The following CDKAL1 variants were observed in gnomAD, a reference collection of about 807,000 sequenced individuals.
The protein encoded by CDKAL1 is CDKAL1 threonylcarbamoyladenosine tRNA methylthiotransferase.
CDKAL1 carries 32 observed loss-of-function variants against 68.2 expected under a neutral mutation model. That is an observed-to-expected ratio of 0.47 (90% confidence interval 0.35 to 0.63). The LOEUF is 0.63. Among genes scored for constraint, CDKAL1 ranks in the 30% least tolerant of loss-of-function variants. CDKAL1 has a pLI of 0.00. For missense variants in CDKAL1, 606 were observed against 696.7 expected (o/e 0.87, Z 1.47); for synonymous variants, 234 against 244.3 (o/e 0.96, Z 0.39).
intron 4 of CDKAL1, among the ~76,000 whole-genome samples, chr6:20,580,511 C>T (rs999913745): frequency 6.6e-6 from 1 of 152,092 alleles, no homozygotes; most frequent in East Asian, 1.9e-4. Context: ...CCTTGCTGGA[C>T]TGTGAGTCTT....
At chr6:20,670,208 T>C (rs1013786078) in intron 5 of CDKAL1, among the ~76,000 whole-genome samples, 4 of 152,214 alleles carry the variant, frequency 2.6e-5, no homozygotes, top group African/African-American at 9.6e-5. Context: ...ATATAATATT[T>C]ATGTTTAGTC....
At chr6:20,604,436 A>C (rs2127715732) in intron 4 of CDKAL1, among the ~76,000 whole-genome samples, 1 of 152,300 alleles carries the variant, frequency 6.6e-6, no homozygotes, top group Middle Eastern at 3.4e-3. Context: ...GAGGGGGCAA[A>C]GATATATTCT....
intron 4 of CDKAL1, among the ~76,000 whole-genome samples, chr6:20,566,982 TCTACAGAGAATATA>T: frequency 6.6e-6 from 1 of 152,250 alleles, no homozygotes; most frequent in South Asian, 2.1e-4. Context: ...TTGTGTTCTT[TCTACAGAGAATATA>T]CTAGGAGGGG....
At chr6:21,164,836 A>G (rs1777085066) in intron 13 of CDKAL1, among the ~76,000 whole-genome samples, 1 of 152,162 alleles carries the variant, frequency 6.6e-6, no homozygotes, top group South Asian at 2.1e-4. Context: ...CCTCTTCATC[A>G]ACAGCATGTA....
intron 8 of CDKAL1, among the ~76,000 whole-genome samples, chr6:20,788,271 A>G (rs539205596): frequency 2.8e-4 from 42 of 152,354 alleles, no homozygotes; most frequent in Admixed American, 1.6e-3. Flanking sequence ...CACACAATTT[A>G]TATGATGTTC....
At position 20,846,283 on chromosome 6, in the gene CDKAL1, G is replaced by A. The variant is rs1159370418; in HGVS notation, c.742+105G>A. The A allele has an allele frequency of 2.2e-5, 14 of 645,432 alleles. No homozygotes were observed. The African/African-American group carries it at 2.2e-4, about 10-fold the overall frequency. The allele number at this position is 645,432 out of a possible 1,614,324, so 40.0% of individuals were successfully genotyped here. A position where few individuals can be genotyped will look rare whatever the true frequency, so the allele number is the denominator to read the frequency against. On this transcript the variant is annotated intron_variant, in intron 9 of 15. Transcript: ENST00000274695. ...AGACCAACTTCTTTAGTTTTCTGAA[G>A]AGTTTTACAAATATACGAACTTAAT... is the stretch of plus-strand genomic sequence containing the variant.
At chr6:21,219,148 T>TAGTA (rs1311228219) in intron 15 of CDKAL1, among the ~76,000 whole-genome samples, 26 of 152,308 alleles carry the variant, frequency 1.7e-4, no homozygotes, top group African/African-American at 6.0e-4. Flanking sequence ...AGTGTAATTA[T>TAGTA]AGTAAGTACA....
chr6:20,844,776 A>T (rs111989843), intron 8 of CDKAL1, among the ~76,000 whole-genome samples: 62 of 152,246 alleles, frequency 4.1e-4, no homozygotes, highest in African/African-American at 1.4e-3. Flanking sequence ...AACAAAATTG[A>T]GTTACTCTAC....
chr6:20,594,192 C>G (rs1765717549), intron 4 of CDKAL1, among the ~76,000 whole-genome samples: 1 of 152,160 alleles, frequency 6.6e-6, no homozygotes, highest in African/African-American at 2.4e-5. Context: ...TCTATTAGGT[C>G]TGCTTGTTCC....
chr6:21,076,567 G>GTA (rs1772087547), intron 12 of CDKAL1, among the ~76,000 whole-genome samples: 1 of 152,128 alleles, frequency 6.6e-6, no homozygotes, highest in East Asian at 1.9e-4. Flanking sequence ...CTCGATAACA[G>GTA]AATTACATTA....
intron 8 of CDKAL1, among the ~76,000 whole-genome samples, chr6:20,798,929 A>G (rs1405346782): frequency 6.6e-6 from 1 of 150,718 alleles, no homozygotes; most frequent in Non-Finnish European, 1.5e-5. Context: ...AAAAAAAAAA[A>G]AAAAAGAAAA....
intron 11 of CDKAL1, 46 bp downstream of exon 11, chr6:21,000,418 C>G: frequency 1.3e-6 from 2 of 1,542,622 alleles, no homozygotes; most frequent in Non-Finnish European, 8.9e-7. Flanking sequence ...TTTTTTCTTT[C>G]AAAAGCTTGT....
At chr6:20,687,738 C>A (rs1770691020) in intron 5 of CDKAL1, among the ~76,000 whole-genome samples, 1 of 152,074 alleles carries the variant, frequency 6.6e-6, no homozygotes, top group Non-Finnish European at 1.5e-5. Flanking sequence ...GTTGCCCAGG[C>A]TGGTCTTGAG....
At chr6:21,021,352 T>C (rs971369787) in intron 11 of CDKAL1, among the ~76,000 whole-genome samples, 7 of 152,216 alleles carry the variant, frequency 4.6e-5, no homozygotes, top group African/African-American at 1.4e-4. Context: ...GCTACTTTTT[T>C]ATGTATTCAA....
At chr6:21,119,527 A>G (rs79905855) in intron 13 of CDKAL1, among the ~76,000 whole-genome samples, 3,247 of 152,180 alleles carry the variant, frequency 0.021, 135 homozygotes, top group African/African-American at 0.073. Context: ...TTGATTGGAG[A>G]AATTAATAGG....
intron 5 of CDKAL1, among the ~76,000 whole-genome samples, chr6:20,656,572 C>G (rs1236967938): frequency 6.6e-6 from 1 of 151,874 alleles, no homozygotes; most frequent in Non-Finnish European, 1.5e-5. Flanking sequence ...TACTTTACTG[C>G]TACTGATACC....
chr6:20,769,739 G>A (rs909740328), intron 7 of CDKAL1, among the ~76,000 whole-genome samples: 1 of 152,048 alleles, frequency 6.6e-6, no homozygotes, highest in African/African-American at 2.4e-5. Flanking sequence ...GTTTAATTAT[G>A]GTAGTAACTG....
At chr6:20,581,521 A>C (rs1427967328) in intron 4 of CDKAL1, among the ~76,000 whole-genome samples, 2 of 152,170 alleles carry the variant, frequency 1.3e-5, no homozygotes, top group African/African-American at 4.8e-5. Flanking sequence ...TTTATATGCT[A>C]TATTAAATTT....
intron 12 of CDKAL1, among the ~76,000 whole-genome samples, chr6:21,091,231 A>T (rs1772991844): frequency 1.3e-5 from 2 of 152,180 alleles, no homozygotes; most frequent in South Asian, 4.1e-4. Context: ...TATAAAGAGG[A>T]CAGGCTAGGA....
Sources: gnomAD v4.1 joint callset for allele counts (sites outside exome capture counted in the v4.1 genomes callset) on GRCh38, gnomAD v4.1.1 for gene constraint, MANE v1.5 for transcripts, NCBI Gene and HGNC (gene_info 2026-07-23, HGNC 2026-07-21) for gene names.